Variants in DLG2 observed in about 807,000 individuals in gnomAD.
The protein encoded by DLG2 is discs large MAGUK scaffold protein 2.
In DLG2, 45 loss-of-function variants were observed where a neutral mutation model predicts 132.5. The observed-to-expected ratio is 0.34, with a 90% CI of 0.27 to 0.44. The LOEUF (loss-of-function observed/expected upper bound fraction) is 0.44. Among genes scored for constraint, DLG2 ranks in the 20% least tolerant of loss-of-function variants. DLG2 has a pLI of 1.00. For missense variants in DLG2, 1,045 were observed against 1,196.9 expected (o/e 0.87, Z 1.87); for synonymous variants, 424 against 419.6 (o/e 1.01, Z -0.13).
chr11:84,481,530 A>T (rs756914848), intron 7 of DLG2, among the ~76,000 whole-genome samples: 1 of 152,196 alleles, frequency 6.6e-6, no homozygotes, highest in Non-Finnish European at 1.5e-5. Context: ...GAAGGGCCAT[A>T]CGTAGTATCA....
At chr11:84,810,585 A>T (rs970119138) in intron 6 of DLG2, among the ~76,000 whole-genome samples, 2 of 152,186 alleles carry the variant, frequency 1.3e-5, no homozygotes, top group Non-Finnish European at 2.9e-5. Flanking sequence ...GTTTCTTTGA[A>T]AACAAAACAT....
At chr11:84,904,979 A>AGTG (rs2091342525) in intron 6 of DLG2, among the ~76,000 whole-genome samples, 1 of 152,174 alleles carries the variant, frequency 6.6e-6, no homozygotes, top group South Asian at 2.1e-4. Flanking sequence ...GCTAGAGTGC[A>AGTG]GTGGTGCTAT....
intron 21 of DLG2, among the ~76,000 whole-genome samples, chr11:83,507,916 T>TC (rs1282520927): frequency 1.3e-5 from 2 of 149,446 alleles, no homozygotes; most frequent in African/African-American, 2.5e-5. Flanking sequence ...GAACATGGAG[T>TC]CAGATGTTTA....
intron 6 of DLG2, among the ~76,000 whole-genome samples, chr11:84,654,669 T>C (rs1016937289): frequency 1.3e-5 from 2 of 152,234 alleles, no homozygotes; most frequent in African/African-American, 4.8e-5. Flanking sequence ...CTGGCTGGTA[T>C]GTTCAATATC....
intron 7 of DLG2, among the ~76,000 whole-genome samples, chr11:84,463,750 G>C (rs2099086646): frequency 6.6e-6 from 1 of 151,162 alleles, no homozygotes; most frequent in African/African-American, 2.4e-5. Context: ...AGGAATGTGT[G>C]AATGATGCAT....
intron 3 of DLG2, among the ~76,000 whole-genome samples, chr11:85,535,990 C>CAGAT (rs1406812761): frequency 6.6e-6 from 1 of 151,942 alleles, no homozygotes; most frequent in African/African-American, 2.4e-5. Context: ...CCAAGGCAGG[C>CAGAT]AGATGGCTTG....
chr11:84,360,520 A>G (rs2098643516), intron 7 of DLG2, among the ~76,000 whole-genome samples: 1 of 152,018 alleles, frequency 6.6e-6, no homozygotes, highest in African/African-American at 2.4e-5. Flanking sequence ...GAGAAAGGAA[A>G]TAAATAAGGT....
chr11:85,619,482 T>C (rs1254108708), intron 2 of DLG2, among the ~76,000 whole-genome samples: 1 of 152,164 alleles, frequency 6.6e-6, no homozygotes, highest in Non-Finnish European at 1.5e-5. Flanking sequence ...GCTTAATTCT[T>C]TTGAGTTTTA....
At position 84,434,289 on chromosome 11, in the gene DLG2, A is replaced by G. The variant is rs578174232; in HGVS notation, c.519+100281T>C. The stretch of plus-strand genomic sequence containing the variant: ...AAGAGGTTGAGTTACACAATCAGTA[A>G]CTTTGATTCTGTAAACATTATCACT... On this transcript the variant is annotated intron_variant, in intron 7 of 27. Transcript: ENST00000376104. 9.2e-5 allele frequency among the ~76,000 whole-genome samples: 14 copies of G among 152,322 alleles called. No homozygotes were observed. The South Asian group carries it at 2.7e-3, about 29-fold the overall frequency.
chr11:83,512,966 A>G (rs1244063820), intron 21 of DLG2, among the ~76,000 whole-genome samples: 5 of 152,290 alleles, frequency 3.3e-5, no homozygotes, highest in Non-Finnish European at 5.9e-5. Flanking sequence ...AGTCTTTGCT[A>G]TTGTGAATAG....
intron 3 of DLG2, among the ~76,000 whole-genome samples, chr11:85,568,286 A>G (rs2077647043): frequency 6.6e-6 from 1 of 152,088 alleles, no homozygotes; most frequent in South Asian, 2.1e-4. Flanking sequence ...AAGTGCTGGG[A>G]TTACAGGCGT....
chr11:84,159,652 C>T (rs1260292417), intron 9 of DLG2, among the ~76,000 whole-genome samples: 1 of 152,030 alleles, frequency 6.6e-6, no homozygotes, highest in Non-Finnish European at 1.5e-5. Flanking sequence ...TTAATTATCA[C>T]CTTTGGAAGG....
intron 6 of DLG2, among the ~76,000 whole-genome samples, chr11:84,581,824 T>C (rs1370890885): frequency 6.6e-6 from 1 of 151,086 alleles, no homozygotes; most frequent in African/African-American, 2.4e-5. Context: ...GGAGAATCGC[T>C]TGAACCCGGG....
chr11:84,978,305 C>A (rs756778605), intron 6 of DLG2, among the ~76,000 whole-genome samples: 1 of 152,164 alleles, frequency 6.6e-6, no homozygotes, highest in Non-Finnish European at 1.5e-5. Context: ...TTGGAAAAAA[C>A]TATTTTAAAG....
chr11:84,851,587 T>C (rs1278911935), intron 6 of DLG2, among the ~76,000 whole-genome samples: 4 of 152,102 alleles, frequency 2.6e-5, no homozygotes, highest in Non-Finnish European at 5.9e-5. Flanking sequence ...GTACCACCTA[T>C]GACCATGGGT....
chr11:84,917,514 T>C (rs1002831035), intron 6 of DLG2, among the ~76,000 whole-genome samples: 7 of 152,286 alleles, frequency 4.6e-5, no homozygotes, highest in South Asian at 2.1e-4. Context: ...GGCAAGTTAT[T>C]TGTGTTCTCT....
At chr11:84,451,730 A>C (rs2099052164) in intron 7 of DLG2, among the ~76,000 whole-genome samples, 1 of 152,006 alleles carries the variant, frequency 6.6e-6, no homozygotes, top group Admixed American at 6.6e-5. Flanking sequence ...GTATTGCAGA[A>C]AAGAGATAGT....
At chr11:84,769,600 G>C (rs1319738803) in intron 6 of DLG2, among the ~76,000 whole-genome samples, 2 of 152,102 alleles carry the variant, frequency 1.3e-5, no homozygotes, top group Non-Finnish European at 2.9e-5. Flanking sequence ...TAGAGAGGTA[G>C]ACGACATTTA....
chr11:85,443,855 G>A (rs1460548733), intron 3 of DLG2, among the ~76,000 whole-genome samples: 4 of 152,080 alleles, frequency 2.6e-5, no homozygotes, highest in Admixed American at 1.3e-4. Context: ...CTGTTCTTTG[G>A]TGTGTGTGAA....
Sources: allele counts gnomAD v4.1 joint callset (sites outside exome capture counted in the v4.1 genomes callset), GRCh38; gene constraint gnomAD v4.1.1; transcripts MANE v1.5; gene names NCBI Gene and HGNC (gene_info 2026-07-23, HGNC 2026-07-21).